Variants in CEP112 observed in about 807,000 individuals in gnomAD.
CEP112 encodes the protein centrosomal protein of 112 kDa.
In CEP112, 127 loss-of-function variants were observed where a neutral mutation model predicts 153.0. That is an observed-to-expected ratio of 0.83 (90% CI 0.72 to 0.96). The LOEUF is 0.96. Among genes scored for constraint, CEP112 ranks in the 40% least tolerant of loss-of-function variants. The pLI is 0.00. For missense variants in CEP112, 1,089 were observed against 1,101.2 expected, an observed-to-expected ratio of 0.99 and a Z score of 0.16; for synonymous variants, 358 against 374.4, an observed-to-expected ratio of 0.96 and a Z score of 0.51.
At chr17:65,812,309 A>AT (rs1478608955) in intron 21 of CEP112, among the ~76,000 whole-genome samples, 1 of 152,116 alleles carries the variant, frequency 6.6e-6, no homozygotes, top group African/African-American at 2.4e-5. Flanking sequence ...GGCCTAAAGA[A>AT]TTTTTTATTG....
intron 20 of CEP112, among the ~76,000 whole-genome samples, chr17:65,871,843 T>C (rs1371286088): frequency 6.6e-6 from 1 of 152,196 alleles, no homozygotes; most frequent in East Asian, 1.9e-4. Flanking sequence ...ATTATGTTTA[T>C]AGTGTCAGTA....
At chr17:65,764,852 A>T (rs1409580836) in intron 21 of CEP112, among the ~76,000 whole-genome samples, 3 of 139,132 alleles carry the variant, frequency 2.2e-5, no homozygotes, top group Admixed American at 7.3e-5. Context: ...TTCCTTTCTT[A>T]TTTGCCTTCA....
At chr17:66,063,187 T>C (rs2066991253) in intron 10 of CEP112, 106 bp from the exon 11 acceptor site, 1 of 483,206 alleles carries the variant, frequency 2.1e-6, no homozygotes, top group African/African-American at 2.0e-5. Context: ...TTTCACCAAG[T>C]CTTCTCAATG....
intron 10 of CEP112, among the ~76,000 whole-genome samples, chr17:66,065,942 TTAATGCATGGGGTATC>T (rs2067101559): frequency 6.6e-6 from 1 of 152,158 alleles, no homozygotes; most frequent in Non-Finnish European, 1.5e-5. Context: ...AATCTATCTC[TTAATGCATGGGGTATC>T]CATTCTAGCT....
At chr17:65,851,345 G>A (rs1483721774) in intron 21 of CEP112, among the ~76,000 whole-genome samples, 1 of 151,862 alleles carries the variant, frequency 6.6e-6, no homozygotes, top group East Asian at 1.9e-4. Context: ...TTCTTATCTC[G>A]ACTGAAATAT....
At chr17:65,726,688 C>T (rs891234495) in intron 23 of CEP112, among the ~76,000 whole-genome samples, 2 of 152,068 alleles carry the variant, frequency 1.3e-5, no homozygotes, top group Non-Finnish European at 2.9e-5. Context: ...AGTCATACGA[C>T]GTTTTCAGAA....
intron 17 of CEP112, among the ~76,000 whole-genome samples, chr17:65,995,867 T>C (rs2063767540): frequency 6.6e-6 from 1 of 152,084 alleles, no homozygotes; most frequent in Non-Finnish European, 1.5e-5. Context: ...ATCTGATGGT[T>C]TACAAGGGAA....
chr17:65,788,736 C>T (rs1477194121), intron 21 of CEP112, among the ~76,000 whole-genome samples: 1 of 152,054 alleles, frequency 6.6e-6, no homozygotes, highest in African/African-American at 2.4e-5. Context: ...CCTATTTCCT[C>T]CTTTCCCTAT....
chr17:65,944,995 C>T (rs1055029406), intron 18 of CEP112, among the ~76,000 whole-genome samples: 2 of 152,162 alleles, frequency 1.3e-5, no homozygotes, highest in African/African-American at 4.8e-5. Flanking sequence ...ATGATTTTCT[C>T]AAATTGAATA....
At chr17:65,888,896 G>A (rs2059375154) in intron 20 of CEP112, among the ~76,000 whole-genome samples, 1 of 152,150 alleles carries the variant, frequency 6.6e-6, no homozygotes, top group East Asian at 1.9e-4. Flanking sequence ...CCGCTGATCA[G>A]CTCCTCAAAC....
chr17:65,958,361 TACAC>T (rs1568291876), intron 18 of CEP112, among the ~76,000 whole-genome samples: 1 of 152,254 alleles, frequency 6.6e-6, no homozygotes. Context: ...ACATGTATAT[TACAC>T]GCATTACATT....
chr17:66,154,320 GC>G (rs1159036145), intron 4 of CEP112, among the ~76,000 whole-genome samples: 2 of 151,982 alleles, frequency 1.3e-5, no homozygotes, highest in Admixed American at 6.6e-5. Context: ...TTCAAGACTA[GC>G]CTGGTTAACA....
chr17:65,726,793 T>A (rs1280439322), intron 23 of CEP112, among the ~76,000 whole-genome samples: 1 of 152,186 alleles, frequency 6.6e-6, no homozygotes, highest in Non-Finnish European at 1.5e-5. Flanking sequence ...ACTCAGGACA[T>A]CTTTTTATGT....
intron 20 of CEP112, among the ~76,000 whole-genome samples, chr17:65,862,741 G>A (rs2058350016): frequency 6.6e-6 from 1 of 151,972 alleles, no homozygotes; most frequent in Non-Finnish European, 1.5e-5. Flanking sequence ...TGACACAGAC[G>A]TTTTAAGCCC....
intron 19 of CEP112, among the ~76,000 whole-genome samples, chr17:65,913,226 C>T (rs1420366298): frequency 2.6e-5 from 4 of 152,098 alleles, no homozygotes; most frequent in Non-Finnish European, 2.9e-5. Context: ...GGCAGTCTAC[C>T]GCAAAGGTAG....
rs1036090904 is a variant in CEP112 at position 66,191,656 on chromosome 17, T to A, written c.-9+341A>T. 6.5e-6 allele frequency: 1 copy of A among 153,162 alleles called. No individual in the cohort carries two copies. The allele number at this position is 153,162 out of a possible 1,614,324, so 9.5% of individuals were successfully genotyped here. A position where few individuals can be genotyped will look rare whatever the true frequency, so the allele number is the denominator to read the frequency against. ...GAGGCCCAGGCCCAGGCCGCGCTCC[T>A]ACCTTGTCCAGGACACAGATTTCCT... On this transcript the variant is annotated intron_variant, in intron 1 of 26. Transcript: ENST00000535342. This position sits in a 1 kb window ranked among gnomAD's most constrained non-coding sequence, Gnocchi z 4.2.
At chr17:65,944,704 CT>C (rs1365363028) in intron 18 of CEP112, among the ~76,000 whole-genome samples, 1 of 151,996 alleles carries the variant, frequency 6.6e-6, no homozygotes, top group African/African-American at 2.4e-5. Context: ...ATCATCTTAC[CT>C]CAACCTCTGG....
chr17:65,733,876 C>T (rs1337967172), intron 23 of CEP112, among the ~76,000 whole-genome samples: 9 of 152,186 alleles, frequency 5.9e-5, no homozygotes. Flanking sequence ...GTTCTATCTG[C>T]AATCCTGAAA....
intron 18 of CEP112, among the ~76,000 whole-genome samples, chr17:65,943,480 C>G (rs997292365): frequency 1.3e-5 from 2 of 152,158 alleles, no homozygotes; most frequent in Non-Finnish European, 1.5e-5. Flanking sequence ...AGCTTAGTTG[C>G]CCGATAAGAA....
Sources: allele counts gnomAD v4.1 joint callset (sites outside exome capture counted in the v4.1 genomes callset), GRCh38; gene constraint gnomAD v4.1.1; non-coding constraint Gnocchi (gnomAD v3.1); transcripts MANE v1.5; gene names NCBI Gene and HGNC (gene_info 2026-07-23, HGNC 2026-07-21).